ELP5: variants seen among roughly 807,000 people sequenced by gnomAD.
ELP5 encodes the protein elongator acetyltransferase complex subunit 5.
ELP5 carries 34 observed loss-of-function variants against 33.4 expected under a neutral mutation model. That is an observed-to-expected ratio of 1.02 (90% CI 0.78 to 1.36). The LOEUF is 1.36. ELP5 is among the 40% of genes most tolerant of loss of function. The probability of loss-of-function intolerance (pLI) is 0.00; values close to 1 mark genes in which losing one functional copy is unlikely to be tolerated. For missense variants in ELP5, 373 were observed against 371.7 expected (o/e 1.00, Z -0.03); for synonymous variants, 161 against 146.4 (o/e 1.10, Z -0.72).
intron 5 of ELP5, 56 bp downstream of exon 5, chr17:7,257,094 C>T (rs373222293): frequency 1.8e-5 from 26 of 1,465,066 alleles, no homozygotes; most frequent in East Asian, 7.2e-5. Context: ...AGGGGTGGCA[C>T]GATGGGAAGA....
intron 4 of ELP5, among the ~76,000 whole-genome samples, chr17:7,255,679 C>T (rs2072060211): frequency 6.6e-6 from 1 of 152,210 alleles, no homozygotes; most frequent in Non-Finnish European, 1.5e-5. Context: ...TGCTTGATCT[C>T]TCATTGCTTC....
intron 7 of ELP5, chr17:7,259,336 T>C (rs2072158010): frequency 7.1e-7 from 1 of 1,399,296 alleles, no homozygotes; most frequent in Non-Finnish European, 9.3e-7. Context: ...ACAAGATCCT[T>C]GCCCTCAAGC....
At chr17:7,258,744 GAAAAT>G (rs2072139675) in intron 6 of ELP5, 61 bp downstream of exon 6, 5 of 1,613,926 alleles carry the variant, frequency 3.1e-6, no homozygotes, top group Non-Finnish European at 4.2e-6. Context: ...TCACGGGAGA[GAAAAT>G]AAAAGCTGCA....
Position 7,259,747 on chromosome 17 carries a change from A to G in ELP5, c.*62A>G, listed in dbSNP as rs1597588819. On this transcript the variant is annotated 3_prime_UTR_variant, in exon 8 of 8. Transcript: ENST00000396628. The stretch of plus-strand genomic sequence containing the variant: ...GCGGGAAGACTTTGGGCCCAGAACC[A>G]TCTTTCTATTGTTTGTGTTAGCCTT... 3 of 1,603,994 alleles carry G rather than the reference A, an allele frequency of 1.9e-6. No individual in the cohort carries two copies. The highest frequency in any genetic ancestry group is 2.2e-5 in the East Asian group (1 of 44,608).
chr17:7,258,464 A>AG (rs993856703), intron 5 of ELP5, 124 bp from the exon 6 acceptor site: 7 of 896,220 alleles, frequency 7.8e-6, no homozygotes, highest in African/African-American at 6.7e-5. Flanking sequence ...AAAAAAAAAA[A>AG]GTTGAGGGCA....
In ELP5 at chr17:7,259,845, A is replaced by G; in HGVS notation, c.*160A>G. ...CTTGTGAGCCAGGAAGCAGCGTCTC[A>G]TCAGGACAGAAGGTAGGATGAAGAC... On this transcript the variant is annotated 3_prime_UTR_variant, in exon 8 of 8. Coordinates refer to ENST00000396628, the MANE Select transcript of ELP5 (RefSeq NM_203414.3). 1 of 1,311,168 alleles carries G rather than the reference A, an allele frequency of 7.6e-7. No individual in the cohort carries two copies. The highest frequency in any genetic ancestry group is 1.0e-6 in the Non-Finnish European group (1 of 971,776). The allele number at this position is 1,311,168 out of a possible 1,614,324, so 81.2% of individuals were successfully genotyped here.
chr17:7,253,364 C>A (rs1441526542), intron 3 of ELP5, among the ~76,000 whole-genome samples: 1 of 152,118 alleles, frequency 6.6e-6, no homozygotes, highest in African/African-American at 2.4e-5. Flanking sequence ...CTGTTCCTGA[C>A]CTAATGAATT....
Position 7,258,864 on chromosome 17 carries a change from G to A in ELP5, c.726G>A (p.Leu242=), listed in dbSNP as rs367785137. Residue 242 remains leucine (L), a synonymous_variant, in exon 7 of 8, where the codon CTG becomes CTA. Transcript: ENST00000396628. The part of the protein sequence containing the change: ...PTTHLTFNLH[L]SKKEREARDS... ...CTCATTTGACCTTTAACCTTCACCT[G>A]TCCAAGAAAGAGAGAGAAGCCAGAG... 1.2e-6 allele frequency: 2 copies of A among 1,614,152 alleles called. No homozygotes were observed. The highest frequency in any genetic ancestry group is 2.2e-5 in the South Asian group (2 of 91,072).
At position 7,252,531 on chromosome 17, in the gene ELP5, G is replaced by C; in HGVS notation, c.-20G>C. ...ACGCCATCAGAGGGCGCCAGAGCAG[G>C]GACCGGACGCGAGTTGGAGATGTTG... On this transcript the variant is annotated 5_prime_UTR_variant, in exon 1 of 8. Coordinates refer to ENST00000396628, the MANE Select transcript of ELP5 (RefSeq NM_203414.3). 2 of 1,613,836 alleles carry C rather than the reference G, an allele frequency of 1.2e-6. No homozygotes were observed. Among genetic ancestry groups the C allele is most frequent in the Non-Finnish European group, 1.7e-6 (2 of 1,179,950 alleles).
intron 4 of ELP5, among the ~76,000 whole-genome samples, chr17:7,255,420 C>T (rs566832469): frequency 2.0e-5 from 3 of 151,620 alleles, no homozygotes; most frequent in South Asian, 2.1e-4. Flanking sequence ...CCCAGCTACC[C>T]GGGAGGCTGA....
At position 7,252,813 on chromosome 17, in the gene ELP5, C is replaced by G; in HGVS notation, c.90C>G (p.Val30=). 1 of 1,614,224 alleles carries G rather than the reference C, an allele frequency of 6.2e-7. No homozygotes were observed. Among genetic ancestry groups the G allele is most frequent in the Non-Finnish European group, 8.5e-7 (1 of 1,180,042 alleles). ...WEGRSLLKAL[V]KKSALCGEQV... ...GGCGCAGTCTCTTGAAGGCGCTTGT[C>G]AAGAAATCTGCACTGTGGTGAGTAT... The change falls in exon 2 of 8, where the codon GTC becomes GTG. Residue 30 remains valine (V), a synonymous_variant. Coordinates refer to ENST00000396628, the MANE Select transcript of ELP5 (RefSeq NM_203414.3).
intron 3 of ELP5, 63 bp downstream of exon 3, chr17:7,253,061 T>C (rs1338588909): frequency 6.6e-7 from 1 of 1,525,454 alleles, no homozygotes; most frequent in Non-Finnish European, 9.1e-7. Flanking sequence ...GAAATTTCTT[T>C]ACAACAAGCG....
intron 4 of ELP5, among the ~76,000 whole-genome samples, chr17:7,256,332 G>A (rs944722078): frequency 4.6e-5 from 7 of 152,182 alleles, no homozygotes; most frequent in African/African-American, 1.4e-4. Context: ...GACAGAGCAA[G>A]ACTCCATCTC....
At chr17:7,259,286 G>C (rs1379420599) in intron 7 of ELP5, 13 of 1,377,928 alleles carry the variant, frequency 9.4e-6, no homozygotes, top group Non-Finnish European at 1.2e-5. Flanking sequence ...GTACACGCTT[G>C]CTGTTCTGTG....
chr17:7,255,732 G>A (rs990832539), intron 4 of ELP5, among the ~76,000 whole-genome samples: 1 of 152,138 alleles, frequency 6.6e-6, no homozygotes, highest in African/African-American at 2.4e-5. Flanking sequence ...GAAGTATTAG[G>A]ATGAACCACT....
Position 7,252,854 on chromosome 17 carries a change from C to T in ELP5, c.107+24C>T, listed in dbSNP as rs574095661. ...TGGTGAGTATCCCACAGTGTCTCCC[C>T]GGCCTACCCTGGATAGGGCACCTGT... On this transcript the variant is annotated intron_variant, in intron 2 of 7. Coordinates refer to ENST00000396628, the MANE Select transcript of ELP5 (RefSeq NM_203414.3). 9.3e-6 allele frequency: 15 copies of T among 1,614,168 alleles called. No homozygotes were observed. In the East Asian group the frequency reaches 1.3e-4, roughly 14 times the overall value.
chr17:7,259,657 A>G lies in ELP5; in HGVS notation c.875A>G (p.Glu292Gly), dbSNP rs1317951410. Residue 292 changes from glutamate to glycine, a missense_variant, in exon 8 of 8, where the codon GAA becomes GGA. Coordinates refer to ENST00000396628, the MANE Select transcript of ELP5 (RefSeq NM_203414.3). ...EPDAYDDLDQ[E>G]DPDDDLDI Reference sequence around the variant, plus strand: ...GATGCTTATGATGACCTGGACCAAGAAGACCCAGATGACGACCTGGATATT... The same window carrying G: ...GATGCTTATGATGACCTGGACCAAGGAGACCCAGATGACGACCTGGATATT... 2 of 1,614,236 alleles carry G rather than the reference A, an allele frequency of 1.2e-6. No individual in the cohort carries two copies. The highest frequency in any genetic ancestry group is 2.2e-5 in the East Asian group (1 of 44,890).
chr17:7,259,731 CTT>C lies in ELP5; in HGVS notation c.*48_*49del. The C allele has an allele frequency of 6.2e-7, 1 of 1,612,140 alleles. No individual in the cohort carries two copies. Among genetic ancestry groups the C allele is most frequent in the African/African-American group, 1.3e-5 (1 of 75,014 alleles). On this transcript the variant is annotated 3_prime_UTR_variant, in exon 8 of 8. Transcript: ENST00000396628. ...TGTAATTGGAGGGGGCGCGGGAAGA[CTT>C]TGGGCCCAGAACCATCTTTCTATTG...
Position 7,259,853 on chromosome 17 carries a change from A to C in ELP5, c.*168A>C, listed in dbSNP as rs2072173279. ...CCAGGAAGCAGCGTCTCATCAGGAC[A>C]GAAGGTAGGATGAAGACATGGGGTA... On this transcript the variant is annotated 3_prime_UTR_variant, in exon 8 of 8. Transcript: ENST00000396628. 8.2e-7 allele frequency: 1 copy of C among 1,220,540 alleles called. No individual in the cohort carries two copies. The highest frequency in any genetic ancestry group is 2.6e-5 in the Admixed American group (1 of 38,230). 75.6% of individuals were successfully genotyped at this position (1,220,540 alleles called of 1,614,324 possible).
Sources: gnomAD v4.1 joint callset for allele counts (sites outside exome capture counted in the v4.1 genomes callset) on GRCh38, gnomAD v4.1.1 for gene constraint, MANE v1.5 for transcripts, NCBI Gene and HGNC (gene_info 2026-07-23, HGNC 2026-07-21) for gene names.